The following TRAK1 variants were observed in gnomAD, a reference collection of about 807,000 sequenced individuals.
The protein encoded by TRAK1 is trafficking kinesin protein 1, also known as trafficking kinesin-binding protein 1.
Under a neutral mutation model 92.1 loss-of-function variants are expected in TRAK1, and 33 were observed. The observed-to-expected ratio is 0.36, with a 90% CI of 0.27 to 0.48. TRAK1 has a LOEUF of 0.48. Among genes scored for constraint, TRAK1 ranks in the 20% least tolerant of loss-of-function variants. The pLI is 0.99. For synonymous variants in TRAK1, 521 were observed against 517.3 expected, an observed-to-expected ratio of 1.01 and a Z score of -0.10; for missense variants, 1,123 against 1,257.9, an observed-to-expected ratio of 0.89 and a Z score of 1.62.
At chr3:42,086,311 C>CTTTTTTTTTTTTTTTTTTT (rs750932535), upstream of TRAK1, among the ~76,000 whole-genome samples, 1 of 140,478 alleles carries the variant, frequency 7.1e-6, no homozygotes, top group African/African-American at 2.8e-5. Flanking sequence ...CTTTTTCTTT[C>CTTTTTTTTTTTTTTTTTTT]TTTTTTTTTT....
chr3:42,141,542 G>T (rs1698654010), intron 2 of TRAK1, among the ~76,000 whole-genome samples: 1 of 152,142 alleles, frequency 6.6e-6, no homozygotes, highest in Admixed American at 6.5e-5. Context: ...TAAGACAATA[G>T]AAATTTATTC....
intron 2 of TRAK1, among the ~76,000 whole-genome samples, chr3:42,150,828 A>T (rs994493491): frequency 6.6e-6 from 1 of 152,196 alleles, no homozygotes; most frequent in African/African-American, 2.4e-5. Flanking sequence ...GTACATCTTT[A>T]ACTATTTTGA....
chr3:42,055,511 G>A (rs1285678399), intron 1 of TRAK1, among the ~76,000 whole-genome samples: 3 of 152,216 alleles, frequency 2.0e-5, no homozygotes, highest in Non-Finnish European at 4.4e-5. Context: ...TGCCCAAGCT[G>A]GAATGCAATG....
rs116348787 is a variant in TRAK1, at chr3:42,133,684, G to A, written c.286+8070G>A. On this transcript the variant is annotated intron_variant, in intron 2 of 15. Coordinates refer to ENST00000327628, the MANE Select transcript of TRAK1 (RefSeq NM_001042646.3). ...AAAGATAACCAATAATTATAATAAT[G>A]ACTCACATCTACTGAGTGCTTACCA... Among the ~76,000 whole-genome samples the A allele has an allele frequency of 3.5e-3, 527 of 152,220 alleles. 1 individual carries two copies. Among genetic ancestry groups the A allele is most frequent in the African/African-American group, 0.012 (485 of 41,518 alleles).
chr3:42,083,810 C>T (rs993015584), upstream of TRAK1, among the ~76,000 whole-genome samples: 1 of 151,858 alleles, frequency 6.6e-6, no homozygotes, highest in South Asian at 2.1e-4. Flanking sequence ...GTCAAGGCTG[C>T]GGTGAGCTGT....
chr3:42,168,210 T>C (rs1702108803), intron 2 of TRAK1, among the ~76,000 whole-genome samples: 1 of 152,240 alleles, frequency 6.6e-6, no homozygotes, highest in South Asian at 2.1e-4. Context: ...TATGTGCTGT[T>C]TATCAGTGCT....
chr3:42,120,008 C>T (rs1304760390), intron 1 of TRAK1, among the ~76,000 whole-genome samples: 1 of 152,060 alleles, frequency 6.6e-6, no homozygotes, highest in African/African-American at 2.4e-5. Context: ...CGAGACTAGC[C>T]TGGTCACCAC....
chr3:42,038,361 G>A (rs78253494), intron 1 of TRAK1, among the ~76,000 whole-genome samples: 4 of 152,164 alleles, frequency 2.6e-5, no homozygotes, highest in South Asian at 2.1e-4. Context: ...TTCTCACTCC[G>A]TTGTCCAGGT....
chr3:42,123,427 T>C (rs750910361), intron 1 of TRAK1, among the ~76,000 whole-genome samples: 9 of 151,530 alleles, frequency 5.9e-5, no homozygotes, highest in Admixed American at 3.9e-4. Context: ...TCCCTGGCCC[T>C]GGCCCTGCAG....
chr3:42,087,683 A>G (rs1295410233), upstream of TRAK1, among the ~76,000 whole-genome samples: 1 of 152,262 alleles, frequency 6.6e-6, no homozygotes, highest in Non-Finnish European at 1.5e-5. Flanking sequence ...GGTAACATCC[A>G]AACCTGAGCA....
intron 2 of TRAK1, among the ~76,000 whole-genome samples, chr3:42,127,103 G>A (rs918881320): frequency 6.6e-6 from 1 of 152,222 alleles, no homozygotes; most frequent in African/African-American, 2.4e-5. Context: ...CCACCAAGGA[G>A]ATATGTGGTA....
intron 14 of TRAK1, among the ~76,000 whole-genome samples, chr3:42,216,596 C>T (rs1030917061): frequency 1.1e-4 from 17 of 152,242 alleles, no homozygotes; most frequent in African/African-American, 3.4e-4. Flanking sequence ...AACATCTGCA[C>T]GACAGCTACG....
At chr3:42,053,650 C>T (rs952192917) in intron 1 of TRAK1, among the ~76,000 whole-genome samples, 3 of 152,094 alleles carry the variant, frequency 2.0e-5, no homozygotes, top group Admixed American at 2.0e-4. Flanking sequence ...CACCCAGGAC[C>T]TGCCCGAGCC....
At chr3:42,021,077 C>T (rs544977603) in intron 1 of TRAK1, among the ~76,000 whole-genome samples, 1 of 152,026 alleles carries the variant, frequency 6.6e-6, no homozygotes. Context: ...TCAAAACAAA[C>T]AAAAAACCAA....
At chr3:42,017,798 G>A (rs1462305877) in intron 1 of TRAK1, among the ~76,000 whole-genome samples, 1 of 152,178 alleles carries the variant, frequency 6.6e-6, no homozygotes, top group African/African-American at 2.4e-5. Context: ...TGGGGTGGGA[G>A]GGGAGCTCTT....
intron 2 of TRAK1, among the ~76,000 whole-genome samples, chr3:42,159,371 C>T (rs966548640): frequency 2.0e-5 from 3 of 152,146 alleles, no homozygotes; most frequent in Non-Finnish European, 4.4e-5. Context: ...ACAGAATGAG[C>T]TGTGATTCTC....
chr3:42,130,313 T>A (rs1697025777), intron 2 of TRAK1, among the ~76,000 whole-genome samples: 1 of 123,864 alleles, frequency 8.1e-6, no homozygotes, highest in Non-Finnish European at 1.8e-5. Flanking sequence ...GAGCATTGAT[T>A]GAGGGAAAAA....
upstream of TRAK1, among the ~76,000 whole-genome samples, chr3:42,087,831 T>C (rs1704757811): frequency 6.6e-6 from 1 of 152,218 alleles, no homozygotes; most frequent in Non-Finnish European, 1.5e-5. Context: ...GAAAACTACA[T>C]GGAGTGCCCT....
chr3:42,083,944 T>C (rs1256496263), upstream of TRAK1, among the ~76,000 whole-genome samples: 1 of 152,018 alleles, frequency 6.6e-6, no homozygotes, highest in Non-Finnish European at 1.5e-5. Flanking sequence ...GTACGGCATG[T>C]AGAGATGTGG....
Sources: gnomAD v4.1 joint callset for allele counts (sites outside exome capture counted in the v4.1 genomes callset) on GRCh38, gnomAD v4.1.1 for gene constraint, MANE v1.5 for transcripts, NCBI Gene and HGNC (gene_info 2026-07-23, HGNC 2026-07-21) for gene names.